LAMC1: variants seen among roughly 807,000 people sequenced by gnomAD.
LAMC1 encodes laminin subunit gamma 1.
A neutral mutation model predicts 173.6 loss-of-function variants in LAMC1; 38 were observed. The ratio of observed to expected loss-of-function variants is 0.22; its 90% CI spans 0.17 to 0.29. The LOEUF is 0.29. Ranked by LOEUF, LAMC1 falls within the 10% of genes least tolerant of loss-of-function variation. The pLI, the probability that LAMC1 is intolerant of heterozygous loss-of-function variation, is 1.00. For synonymous variants in LAMC1, 746 were observed against 749.1 expected, an observed-to-expected ratio of 1.00 and a Z score of 0.07; for missense variants, 1,824 against 2,051.8, an observed-to-expected ratio of 0.89 and a Z score of 2.14.
intron 1 of LAMC1, among the ~76,000 whole-genome samples, chr1:183,101,200 C>T (rs1655825795): frequency 6.6e-6 from 1 of 151,974 alleles, no homozygotes; most frequent in African/African-American, 2.4e-5. Context: ...GACTAGTGAG[C>T]AAGCCTTTGA....
At chr1:183,033,966 T>C (rs1481296568) in intron 1 of LAMC1, among the ~76,000 whole-genome samples, 1 of 152,166 alleles carries the variant, frequency 6.6e-6, no homozygotes, top group East Asian at 1.9e-4. Flanking sequence ...CCCAAAGTGC[T>C]GGGATTACAG....
Position 183,108,186 on chromosome 1 carries a change from T to C in LAMC1, c.724-90T>C, listed in dbSNP as rs545388334. Reference sequence around the variant, plus strand: ...AAAGAGGGCGTAAGTTAAATGATAATAAGTTAGTGATTTAGAACATTTTGT... The same window carrying C: ...AAAGAGGGCGTAAGTTAAATGATAACAAGTTAGTGATTTAGAACATTTTGT... On this transcript the variant is annotated intron_variant, in intron 2 of 27. Coordinates refer to ENST00000258341, the MANE Select transcript of LAMC1 (RefSeq NM_002293.4). 286 of 1,207,008 alleles carry C rather than the reference T, an allele frequency of 2.4e-4. 2 individuals are homozygous for C. In the East Asian group the frequency reaches 6.8e-3, roughly 29 times the overall value. The allele number at this position is 1,207,008 out of a possible 1,614,324, so 74.8% of individuals were successfully genotyped here. A position where few individuals can be genotyped will look rare whatever the true frequency, so the allele number is the denominator to read the frequency against.
intron 11 of LAMC1, among the ~76,000 whole-genome samples, chr1:183,118,902 A>G (rs895371206): frequency 6.6e-6 from 1 of 151,974 alleles, no homozygotes; most frequent in African/African-American, 2.4e-5. Context: ...TTAAGACTTA[A>G]AAATTTTTTT....
chr1:183,092,869 T>C (rs1489671131), intron 1 of LAMC1, among the ~76,000 whole-genome samples: 1 of 152,228 alleles, frequency 6.6e-6, no homozygotes, highest in Non-Finnish European at 1.5e-5. Flanking sequence ...GAAATCCAGC[T>C]GCCACACTGG....
chr1:183,085,813 G>A (rs572396826), intron 1 of LAMC1, among the ~76,000 whole-genome samples: 1 of 152,240 alleles, frequency 6.6e-6, no homozygotes, highest in African/African-American at 2.4e-5. Context: ...CTAAAGGTGT[G>A]GAAAATTGGT....
intron 13 of LAMC1, among the ~76,000 whole-genome samples, chr1:183,122,680 C>T (rs145768359): frequency 7.2e-4 from 110 of 152,264 alleles, no homozygotes; most frequent in Non-Finnish European, 1.4e-3. Flanking sequence ...CTGAGACCTG[C>T]ATGCACTACA....
At chr1:183,076,589 C>T (rs1225061110) in intron 1 of LAMC1, among the ~76,000 whole-genome samples, 1 of 152,188 alleles carries the variant, frequency 6.6e-6, no homozygotes, top group Non-Finnish European at 1.5e-5. Flanking sequence ...TTTCTCTTCC[C>T]TAGTTCTTCC....
chr1:183,112,884 A>G (rs1656200518), intron 4 of LAMC1, among the ~76,000 whole-genome samples: 1 of 152,228 alleles, frequency 6.6e-6, no homozygotes, highest in African/African-American at 2.4e-5. Flanking sequence ...CATAAGAAAG[A>G]GAGAAAAAGA....
chr1:183,063,454 G>A (rs1019668205), intron 1 of LAMC1, among the ~76,000 whole-genome samples: 2 of 152,202 alleles, frequency 1.3e-5, no homozygotes, highest in Non-Finnish European at 2.9e-5. Flanking sequence ...TACCCTGGTA[G>A]TGAGAACTTC....
chr1:183,026,762 A>G (rs78100176), intron 1 of LAMC1, among the ~76,000 whole-genome samples: 6,917 of 151,888 alleles, frequency 0.046, 325 homozygotes, highest in African/African-American at 0.12. Flanking sequence ...TGAACTTTAA[A>G]TACAGTAAAC....
At position 183,108,075 on chromosome 1, in the gene LAMC1, A is replaced by G. The variant is rs143235230; in HGVS notation, c.724-201A>G. ...TTTTGGAGACTCCGAGTAGTAAAGT[A>G]ACAAATTAAAGAAGGGAAGAGTCAA... On this transcript the variant is annotated intron_variant, in intron 2 of 27. Transcript: ENST00000258341. Among the ~76,000 whole-genome samples, 106 of 152,310 alleles carry G rather than the reference A, an allele frequency of 7.0e-4. 1 individual carries two copies. Among genetic ancestry groups the G allele is most frequent in the Admixed American group, 2.6e-3 (40 of 15,298 alleles).
At chr1:183,129,699 AAC>A in intron 18 of LAMC1, among the ~76,000 whole-genome samples, 1 of 152,346 alleles carries the variant, frequency 6.6e-6, no homozygotes, top group Non-Finnish European at 1.5e-5. Flanking sequence ...TTTTAATAAT[AAC>A]AGACTTATAT....
chr1:183,043,424 G>A (rs10797821), intron 1 of LAMC1, among the ~76,000 whole-genome samples: 76,324 of 151,914 alleles, frequency 0.5, 19,810 homozygotes, highest in South Asian at 0.64. Context: ...ATTTGATTAC[G>A]TAAGTTATAT....
intron 1 of LAMC1, among the ~76,000 whole-genome samples, chr1:183,065,666 GATTA>G (rs753730728): frequency 6.6e-6 from 1 of 152,272 alleles, no homozygotes; most frequent in African/African-American, 2.4e-5. Context: ...TGACACATGA[GATTA>G]ATTGTCACGT....
In LAMC1 at chr1:183,117,605, G is replaced by C. The variant is rs752105551; in HGVS notation, c.1759G>C (p.Asp587His). The stretch of plus-strand genomic sequence containing the variant: ...CTTCTCCTTTCGAGTGGACAGGCGA[G>C]ATACTCGCCTCTCTGCAGAAGACCT... ...LSFSFRVDRR[D>H]TRLSAEDLVL... is the part of the protein sequence containing the mutation. The change falls in exon 10 of 28, where the codon GAT becomes CAT. Residue 587 changes from aspartate to histidine, a missense_variant. Asp to His is a moderately conservative substitution (Grantham distance 81, BLOSUM62 -1). Transcript: ENST00000258341. The C allele has an allele frequency of 6.2e-6, 10 of 1,613,992 alleles. No homozygotes were observed. The highest frequency in any genetic ancestry group is 1.3e-5 in the African/African-American group (1 of 74,920).
intron 25 of LAMC1, 101 bp downstream of exon 25, chr1:183,136,686 G>C: frequency 1.0e-6 from 1 of 961,530 alleles, no homozygotes; most frequent in South Asian, 1.7e-5. Flanking sequence ...TTTTTTTCCT[G>C]AACTTCAGTA....
At chr1:183,045,914 T>C (rs74645936) in intron 1 of LAMC1, among the ~76,000 whole-genome samples, 1,897 of 152,144 alleles carry the variant, frequency 0.012, 19 homozygotes, top group Middle Eastern at 0.031. Context: ...TATTGGTCTT[T>C]CATATTTCCT....
chr1:183,036,966 G>A (rs1490767259), intron 1 of LAMC1, among the ~76,000 whole-genome samples: 1 of 151,926 alleles, frequency 6.6e-6, no homozygotes, highest in African/African-American at 2.4e-5. Flanking sequence ...AGTAGAGATG[G>A]GGTTTTGCCA....
At chr1:183,031,366 A>C (rs1653844573) in intron 1 of LAMC1, among the ~76,000 whole-genome samples, 1 of 152,026 alleles carries the variant, frequency 6.6e-6, no homozygotes, top group Non-Finnish European at 1.5e-5. Context: ...GTGCAGTGGC[A>C]CGATCTTGGC....
Sources: gnomAD v4.1 joint callset for allele counts (sites outside exome capture counted in the v4.1 genomes callset) on GRCh38, gnomAD v4.1.1 for gene constraint, MANE v1.5 for transcripts, NCBI Gene and HGNC (gene_info 2026-07-23, HGNC 2026-07-21) for gene names.